Variants in ZMYM2 observed in about 807,000 individuals in gnomAD.
ZMYM2 encodes the protein zinc finger MYM-type protein 2.
A neutral mutation model predicts 162.8 loss-of-function variants in ZMYM2; 56 were observed. The ratio of observed to expected loss-of-function variants is 0.34; its 90% CI spans 0.28 to 0.43. The LOEUF (loss-of-function observed/expected upper bound fraction) is 0.43, where lower values mean the gene tolerates loss of function less well. Ranked by LOEUF, ZMYM2 falls within the 20% of genes least tolerant of loss-of-function variation. The pLI is 1.00. For missense variants in ZMYM2, 1,275 were observed against 1,621.8 expected (o/e 0.79, Z 3.67); for synonymous variants, 510 against 541.6 (o/e 0.94, Z 0.81).
chr13:19,962,513 ATATTTTTTTTTTTT>A (rs1955342936), intron 2 of ZMYM2, among the ~76,000 whole-genome samples: 1 of 59,096 alleles, frequency 1.7e-5, no homozygotes, highest in Non-Finnish European at 3.3e-5. Flanking sequence ...ATATATATAT[ATATTTTTTTTTTTT>A]TTTTTTTTTT....
rs1365698527 is a variant in ZMYM2 at position 19,993,276 on chromosome 13, T to C, written c.204T>C (p.Pro68=). The C allele has an allele frequency of 1.2e-6, 2 of 1,613,758 alleles. No homozygotes were observed. Among genetic ancestry groups the C allele is most frequent in the Non-Finnish European group, 1.7e-6 (2 of 1,179,878 alleles). Residue 68 remains proline (P), a synonymous_variant, in exon 3 of 25, where the codon CCT becomes CCC. Coordinates refer to ENST00000610343, the MANE Select transcript of ZMYM2 (RefSeq NM_197968.4). ...DDVVFIEPVQ[P]PPPSVPVVAD... ...TTGTTTTTATCGAACCTGTACAACC[T>C]CCCCCACCTTCTGTACCAGTGGTAG...
intron 6 of ZMYM2, among the ~76,000 whole-genome samples, chr13:20,007,074 A>C (rs568357312): frequency 5.9e-5 from 9 of 152,212 alleles, no homozygotes; most frequent in African/African-American, 2.2e-4. Context: ...AAATATTTCA[A>C]ACTTTTAAAC....
the ZMYM2 span, among the ~76,000 whole-genome samples, chr13:19,877,345 A>AGG: frequency 6.6e-6 from 1 of 152,232 alleles, no homozygotes; most frequent in Non-Finnish European, 1.5e-5. Flanking sequence ...GAAAGTGGAA[A>AGG]GGGAGTAGAC....
At chr13:20,001,545 ATGT>A (rs1297369047) in intron 3 of ZMYM2, among the ~76,000 whole-genome samples, 1 of 152,156 alleles carries the variant, frequency 6.6e-6, no homozygotes, top group Non-Finnish European at 1.5e-5. Flanking sequence ...GATACTGTGA[ATGT>A]TGTTGAAATG....
At chr13:20,046,564 A>AAAT (rs766574183) in intron 12 of ZMYM2, among the ~76,000 whole-genome samples, 16,329 of 102,544 alleles carry the variant, frequency 0.16, 1,636 homozygotes, top group African/African-American at 0.18. Flanking sequence ...TAAAAAAAAA[A>AAAT]ATATATATAT....
chr13:20,068,628 T>G (rs2140903065), intron 21 of ZMYM2, among the ~76,000 whole-genome samples: 1 of 152,248 alleles, frequency 6.6e-6, no homozygotes, highest in East Asian at 1.9e-4. Flanking sequence ...CTTCTTTTAT[T>G]ATACCTAGGA....
At chr13:19,930,619 C>A in the ZMYM2 span, among the ~76,000 whole-genome samples, 1 of 150,674 alleles carries the variant, frequency 6.6e-6, no homozygotes, top group African/African-American at 2.4e-5. Context: ...CTCACTGCAG[C>A]CTCTGCCTCC....
At chr13:19,934,771 C>CTTTT in the ZMYM2 span, among the ~76,000 whole-genome samples, 1 of 44,148 alleles carries the variant, frequency 2.3e-5, no homozygotes, top group African/African-American at 4.4e-5. Flanking sequence ...TTCTTTCTTT[C>CTTTT]TTTTTTTTTT....
Position 20,051,472 on chromosome 13 carries a change from A to G in ZMYM2, c.2332A>G (p.Lys778Glu), listed in dbSNP as rs1332946046. The G allele has an allele frequency of 1.2e-6, 2 of 1,613,518 alleles. No individual in the cohort carries two copies. The highest frequency in any genetic ancestry group is 1.1e-5 in the South Asian group (1 of 91,036). ...CDCCKSQGTL[K>E]ERVQWRGEMK... ...CTGTTGTAAATCTCAAGGAACTCTT[A>G]AAGAGCGAGTTCAGTGGCGTGGGGA... The change falls in exon 13 of 25, where the codon AAA becomes GAA. Residue 778 changes from lysine (K) to glutamate (E), a missense_variant. Around this residue, in one of 10 missense-constraint regions of ZMYM2, gnomAD observed 177 missense variants for 228.0 expected, o/e 0.78. Transcript: ENST00000610343.
chr13:20,015,981 G>T (rs1048151470), intron 6 of ZMYM2, among the ~76,000 whole-genome samples: 1 of 151,828 alleles, frequency 6.6e-6, no homozygotes, highest in Non-Finnish European at 1.5e-5. Flanking sequence ...CCTTTTGATT[G>T]GATAATTTGA....
the ZMYM2 span, among the ~76,000 whole-genome samples, chr13:19,877,136 C>T: frequency 1.4e-5 from 2 of 143,898 alleles, no homozygotes; most frequent in Non-Finnish European, 3.0e-5. Context: ...GGCGTGAACC[C>T]GGGAGGCGGA....
intron 2 of ZMYM2, among the ~76,000 whole-genome samples, chr13:19,971,262 A>ATATATATATATATATTTTTT (rs1329532735): frequency 5.1e-5 from 4 of 78,330 alleles, no homozygotes; most frequent in Admixed American, 1.9e-4. Flanking sequence ...ATATATATAT[A>ATATATATATATATATTTTTT]TTTTTTTTTT....
chr13:19,877,229 C>A, the ZMYM2 span, among the ~76,000 whole-genome samples: 159 of 117,032 alleles, frequency 1.4e-3, 1 homozygote, highest in African/African-American at 2.3e-3. Context: ...AAAAAAAAAA[C>A]AAAGAAGTTT....
chr13:20,052,347 T>G (rs1955436978), intron 14 of ZMYM2, 36 bp downstream of exon 14: 1 of 1,543,146 alleles, frequency 6.5e-7, no homozygotes, highest in East Asian at 2.4e-5. Flanking sequence ...GAATTGTGAT[T>G]TTTGTAATAT....
chr13:20,044,337 A>T (rs190680444), intron 12 of ZMYM2, among the ~76,000 whole-genome samples: 46 of 152,298 alleles, frequency 3.0e-4, no homozygotes, highest in Non-Finnish European at 5.6e-4. Flanking sequence ...GCTCTCTGCC[A>T]GTTCACCTAA....
upstream of ZMYM2, among the ~76,000 whole-genome samples, chr13:19,957,559 C>T (rs1954622291): frequency 6.6e-6 from 1 of 152,242 alleles, no homozygotes; most frequent in Admixed American, 6.5e-5. Context: ...CCGCCCTCCT[C>T]GGGCGCCTGT....
chr13:19,893,449 A>G, the ZMYM2 span, among the ~76,000 whole-genome samples: 1 of 151,880 alleles, frequency 6.6e-6, no homozygotes, highest in Admixed American at 6.6e-5. Flanking sequence ...TTTAACACAC[A>G]AATATAGTCC....
the ZMYM2 span, among the ~76,000 whole-genome samples, chr13:19,938,898 A>T: frequency 6.6e-6 from 1 of 152,006 alleles, no homozygotes; most frequent in Non-Finnish European, 1.5e-5. Flanking sequence ...CTGTTTTGCC[A>T]TTGCCCAGTG....
At chr13:19,902,959 C>A in the ZMYM2 span, among the ~76,000 whole-genome samples, 1 of 151,818 alleles carries the variant, frequency 6.6e-6, no homozygotes, top group Non-Finnish European at 1.5e-5. Flanking sequence ...GAGTTTGAGA[C>A]CAGCCTGACC....
Sources: gnomAD v4.1 joint callset for allele counts (sites outside exome capture counted in the v4.1 genomes callset) on GRCh38, gnomAD v4.1.1 for gene constraint, gnomAD v4.1.1 regional missense constraint, MANE v1.5 for transcripts, NCBI Gene and HGNC (gene_info 2026-07-23, HGNC 2026-07-21) for gene names.